The following DGKG variants were observed in gnomAD, a reference collection of about 807,000 sequenced individuals.
The protein encoded by DGKG is diacylglycerol kinase gamma.
DGKG carries 78 observed loss-of-function variants against 105.3 expected under a neutral mutation model. That is an observed-to-expected ratio of 0.74 (90% CI 0.62 to 0.89). The LOEUF is 0.89. DGKG is among the 40% of genes least tolerant of loss of function. DGKG has a pLI of 0.00. For missense variants in DGKG, 958 were observed against 1,020.1 expected, an observed-to-expected ratio of 0.94 and a Z score of 0.83; for synonymous variants, 346 against 367.1, an observed-to-expected ratio of 0.94 and a Z score of 0.66.
intron 20 of DGKG, among the ~76,000 whole-genome samples, chr3:186,221,237 C>A (rs558182801): frequency 2.0e-5 from 3 of 152,280 alleles, no homozygotes; most frequent in Non-Finnish European, 4.4e-5. Context: ...AAGGCCAGGA[C>A]CATGTTGTCA....
intron 1 of DGKG, among the ~76,000 whole-genome samples, chr3:186,349,308 G>GT (rs1414339694): frequency 6.6e-6 from 1 of 152,110 alleles, no homozygotes; most frequent in South Asian, 2.1e-4. Flanking sequence ...TCACTTTCAT[G>GT]TTTTTTGTCA....
At chr3:186,171,788 C>T (rs1305840939) in intron 22 of DGKG, among the ~76,000 whole-genome samples, 2 of 152,104 alleles carry the variant, frequency 1.3e-5, no homozygotes, top group Non-Finnish European at 2.9e-5. Flanking sequence ...CAGTCAATTT[C>T]TACCCAGCCT....
At chr3:186,279,690 T>G (rs1048768751) in intron 9 of DGKG, 161 bp downstream of exon 9, 19 of 657,472 alleles carry the variant, frequency 2.9e-5, no homozygotes, top group Non-Finnish European at 2.5e-6. Context: ...CTTCAGGCAC[T>G]AATGGATACA....
chr3:186,292,971 A>T (rs970075676), intron 5 of DGKG, among the ~76,000 whole-genome samples: 5 of 152,198 alleles, frequency 3.3e-5, no homozygotes, highest in African/African-American at 1.2e-4. Context: ...TTAAAAACAC[A>T]TTTTTTAGAG....
In DGKG at chr3:186,313,590, G is replaced by A. The variant is rs1225198945; in HGVS notation, c.68-6613C>T. 9.0e-6 allele frequency: 8 copies of A among 887,830 alleles called. No individual in the cohort carries two copies. In the East Asian group the frequency reaches 9.5e-4, roughly 106 times the overall value. The allele number at this position is 887,830 out of a possible 1,614,324, so 55.0% of individuals were successfully genotyped here. A position where few individuals can be genotyped will look rare whatever the true frequency, so the allele number is the denominator to read the frequency against. Reference sequence around the variant, plus strand: ...TGTGGTCCCTGGACCAGCAGCATCAGCATCACCTGGGAGCTTGTTAGAAAA... The same window carrying A: ...TGTGGTCCCTGGACCAGCAGCATCAACATCACCTGGGAGCTTGTTAGAAAA... On this transcript the variant is annotated intron_variant, in intron 2 of 24. Coordinates refer to ENST00000265022, the MANE Select transcript of DGKG (RefSeq NM_001346.3).
In DGKG at chr3:186,231,164, C is replaced by G. The variant is rs1046551944; in HGVS notation, c.1826+11340G>C. ...ACACACTTGAGGCCCATTCCCAGTA[C>G]GTTCTCTGTTTCTCTCCAGGAAAAG... On this transcript the variant is annotated intron_variant, in intron 20 of 24. Coordinates refer to ENST00000265022, the MANE Select transcript of DGKG (RefSeq NM_001346.3). This position sits in a 1 kb window ranked among gnomAD's most constrained non-coding sequence, Gnocchi z 4.5. Among the ~76,000 whole-genome samples the G allele has an allele frequency of 6.6e-6, 1 of 152,158 alleles. No individual in the cohort carries two copies. The highest frequency in any genetic ancestry group is 1.5e-5 in the Non-Finnish European group (1 of 68,042).
chr3:186,275,349 T>C (rs1476991848), intron 10 of DGKG, among the ~76,000 whole-genome samples, 198 bp downstream of exon 10: 1 of 152,200 alleles, frequency 6.6e-6, no homozygotes, highest in Non-Finnish European at 1.5e-5. Context: ...TAATAAATAG[T>C]CCAAGACCTG....
At chr3:186,190,265 T>G (rs1174942791) in intron 21 of DGKG, among the ~76,000 whole-genome samples, 1 of 152,216 alleles carries the variant, frequency 6.6e-6, no homozygotes, top group African/African-American at 2.4e-5. Flanking sequence ...CCCATGAGAC[T>G]TGGTTTTCAG....
chr3:186,317,185 C>T (rs1724858612), intron 2 of DGKG, among the ~76,000 whole-genome samples: 1 of 152,350 alleles, frequency 6.6e-6, no homozygotes, highest in South Asian at 2.1e-4. Context: ...TTTGCGCCCT[C>T]CATGCTGCAC....
intron 14 of DGKG, among the ~76,000 whole-genome samples, chr3:186,264,057 AG>A (rs994652605): frequency 3.3e-5 from 5 of 152,246 alleles, no homozygotes; most frequent in Non-Finnish European, 7.3e-5. Flanking sequence ...CGTATTTAAC[AG>A]CCAGTCCTAC....
intron 1 of DGKG, among the ~76,000 whole-genome samples, chr3:186,337,723 C>T (rs1357057612): frequency 6.6e-6 from 1 of 151,990 alleles, no homozygotes; most frequent in Admixed American, 6.6e-5. Context: ...CCTAGAAAAA[C>T]CAAGAGATCA....
At chr3:186,295,754 A>G (rs1336461743) in intron 5 of DGKG, among the ~76,000 whole-genome samples, 2 of 151,308 alleles carry the variant, frequency 1.3e-5, no homozygotes, top group Non-Finnish European at 2.9e-5. Context: ...GAGGATGCCC[A>G]GGTGACACAC....
chr3:186,350,694 C>T (rs866121778), intron 1 of DGKG, among the ~76,000 whole-genome samples: 20 of 152,342 alleles, frequency 1.3e-4, no homozygotes, highest in African/African-American at 4.6e-4. Context: ...TGTACCACTT[C>T]ACATTCCCAT....
chr3:186,239,615 T>C (rs1161154433), intron 20 of DGKG, among the ~76,000 whole-genome samples: 2 of 152,240 alleles, frequency 1.3e-5, no homozygotes, highest in African/African-American at 2.4e-5. Flanking sequence ...AAGCAGTATG[T>C]ATGCAAAGTT....
chr3:186,313,122 T>C (rs1209922878), intron 2 of DGKG, among the ~76,000 whole-genome samples: 1 of 152,246 alleles, frequency 6.6e-6, no homozygotes, highest in East Asian at 1.9e-4. Context: ...CCTTGGCTGC[T>C]TATTGAAATC....
chr3:186,205,007 A>G (rs1401112210), intron 21 of DGKG, among the ~76,000 whole-genome samples: 2 of 152,194 alleles, frequency 1.3e-5, no homozygotes, highest in East Asian at 3.8e-4. Context: ...ATGTAATCCC[A>G]GCACTTTGGG....
chr3:186,215,405 C>T (rs1719230147), intron 20 of DGKG, among the ~76,000 whole-genome samples: 1 of 143,716 alleles, frequency 7.0e-6, no homozygotes, highest in Non-Finnish European at 1.5e-5. Context: ...AGTGAGACCC[C>T]CATCTCCAAA....
intron 22 of DGKG, among the ~76,000 whole-genome samples, chr3:186,171,484 C>A (rs1380111021): frequency 6.6e-6 from 1 of 152,136 alleles, no homozygotes; most frequent in East Asian, 1.9e-4. Flanking sequence ...TGCATATAAC[C>A]AGTGCACATG....
At chr3:186,334,964 C>G (rs1255504703) in intron 1 of DGKG, among the ~76,000 whole-genome samples, 1 of 152,152 alleles carries the variant, frequency 6.6e-6, no homozygotes, top group African/African-American at 2.4e-5. Flanking sequence ...TCACAGGGCA[C>G]TCATAAACCC....
Sources: gnomAD v4.1 joint callset for allele counts (sites outside exome capture counted in the v4.1 genomes callset) on GRCh38, gnomAD v4.1.1 for gene constraint, Gnocchi (gnomAD v3.1) non-coding constraint, MANE v1.5 for transcripts, NCBI Gene and HGNC (gene_info 2026-07-23, HGNC 2026-07-21) for gene names.